GLI3: variants seen among roughly 807,000 people sequenced by gnomAD.
GLI3 encodes GLI family zinc finger 3.
A neutral mutation model predicts 100.8 loss-of-function variants in GLI3; 20 were observed. That is an observed-to-expected ratio of 0.20 (90% CI 0.14 to 0.29). GLI3 has a LOEUF of 0.29. Among genes scored for constraint, GLI3 ranks in the 10% least tolerant of loss-of-function variants. GLI3 has a pLI of 1.00. For synonymous variants in GLI3, 938 were observed against 860.5 expected (o/e 1.09, Z -1.58); for missense variants, 2,040 against 2,128.5 (o/e 0.96, Z 0.82).
chr7:42,088,765 C>T (rs846313), intron 3 of GLI3, among the ~76,000 whole-genome samples: 9,381 of 152,268 alleles, frequency 0.062, 608 homozygotes, highest in African/African-American at 0.16. Context: ...ACCTATTCAG[C>T]TGGGCTCTGA....
chr7:42,048,439 A>G, intron 5 of GLI3, 52 bp downstream of exon 5: 1 of 1,166,934 alleles, frequency 8.6e-7, no homozygotes, highest in Non-Finnish European at 1.3e-6. Context: ...CCGAGTGAGG[A>G]GCGGGGAGGA....
intron 10 of GLI3, among the ~76,000 whole-genome samples, chr7:41,990,122 T>TAC (rs3138802): frequency 0.052 from 7,780 of 148,876 alleles, 226 homozygotes; most frequent in African/African-American, 0.09. Flanking sequence ...AATGCTTGCT[T>TAC]ACACACACAC....
At chr7:42,148,820 A>G (rs1188529305) in intron 2 of GLI3, among the ~76,000 whole-genome samples, 1 of 152,086 alleles carries the variant, frequency 6.6e-6, no homozygotes, top group Non-Finnish European at 1.5e-5. Flanking sequence ...CCCACGTGGA[A>G]CTGAAACCTT....
At chr7:42,084,550 T>TA (rs1333298906) in intron 3 of GLI3, among the ~76,000 whole-genome samples, 1 of 152,222 alleles carries the variant, frequency 6.6e-6, no homozygotes, top group Non-Finnish European at 1.5e-5. Flanking sequence ...TGATTCCACA[T>TA]ATATGCATCC....
At chr7:42,038,842 T>C (rs1784072140) in intron 7 of GLI3, among the ~76,000 whole-genome samples, 1 of 152,252 alleles carries the variant, frequency 6.6e-6, no homozygotes, top group Non-Finnish European at 1.5e-5. Flanking sequence ...TGTGGGTATC[T>C]TGCTACTGCA....
At chr7:42,184,265 A>T (rs914592075) in intron 2 of GLI3, among the ~76,000 whole-genome samples, 2 of 152,166 alleles carry the variant, frequency 1.3e-5, no homozygotes, top group Non-Finnish European at 2.9e-5. Flanking sequence ...GTTGTGAAAC[A>T]CACCATGCCT....
chr7:42,223,044 CA>C, intron 2 of GLI3, 85 bp downstream of exon 2: 1 of 1,504,160 alleles, frequency 6.6e-7, no homozygotes, highest in Non-Finnish European at 9.2e-7. Context: ...AACACTGGTC[CA>C]GGTGCAAACG....
intron 3 of GLI3, among the ~76,000 whole-genome samples, chr7:42,147,177 G>A (rs892680407): frequency 3.9e-5 from 6 of 152,168 alleles, no homozygotes; most frequent in African/African-American, 1.4e-4. Context: ...TTGATCTGAG[G>A]AGTGAGCATT....
chr7:42,214,042 C>T (rs1433494958), intron 2 of GLI3, among the ~76,000 whole-genome samples: 4 of 152,334 alleles, frequency 2.6e-5, no homozygotes, highest in South Asian at 2.1e-4. Flanking sequence ...AAAAGAAGCC[C>T]GTCTCCACCC....
chr7:42,246,771 C>A (rs887954533), intron 1 of GLI3, among the ~76,000 whole-genome samples: 1 of 141,272 alleles, frequency 7.1e-6, no homozygotes, highest in South Asian at 2.3e-4. Flanking sequence ...AATGTTTAGT[C>A]CTTGGGAGTT....
Position 41,964,554 on chromosome 7 carries a change from C to G in GLI3, c.4519G>C (p.Asp1507His), listed in dbSNP as rs763951987. The change falls in exon 15 of 15, where the codon GAT (aspartate) becomes CAT (histidine). Residue 1507 changes from aspartate (D) to histidine (H), a missense_variant. By Grantham distance (81) the Asp-to-His change is moderately conservative (BLOSUM62 -1). Around this residue, in one of 5 missense-constraint regions of GLI3, gnomAD observed 1,041 missense variants for 924.0 expected, o/e 1.13. Transcript: ENST00000395925. ...HDLEGVQIDFDAIIDDGDHSS... is the reference protein window; with the variant it reads ...HDLEGVQIDFHAIIDDGDHSS... ...TGGTCCCCATCGTCTATGATGGCATCGAAGTCAATCTGTACCCCTTCCAGG... is the reference window on the plus strand; with the variant it reads ...TGGTCCCCATCGTCTATGATGGCATGGAAGTCAATCTGTACCCCTTCCAGG... The G allele has an allele frequency of 6.2e-7, 1 of 1,613,906 alleles. No individual in the cohort carries two copies. The highest frequency in any genetic ancestry group is 8.5e-7 in the Non-Finnish European group (1 of 1,179,772).
rs61524545 is a variant in GLI3, at chr7:42,194,759, C to CTTTTT, written c.124+28366_124+28370dup. ...AATGCATCAACTTCTCTCTCTGTCT[C>CTTTTT]TTTTTTTTTTTTTTTTTGGAGTCGG... On this transcript the variant is annotated intron_variant, in intron 2 of 14. Coordinates refer to ENST00000395925, the MANE Select transcript of GLI3 (RefSeq NM_000168.6). 1.1e-3 allele frequency among the ~76,000 whole-genome samples: 121 copies of CTTTTT among 108,944 alleles called. 6 individuals carry two copies. Among genetic ancestry groups the CTTTTT allele is most frequent in the African/African-American group, 4.6e-3 (113 of 24,716 alleles). 71.5% of individuals were successfully genotyped at this position (108,944 alleles called of 152,430 possible).
chr7:42,163,912 T>C (rs1787185450), intron 2 of GLI3, among the ~76,000 whole-genome samples: 1 of 152,242 alleles, frequency 6.6e-6, no homozygotes, highest in African/African-American at 2.4e-5. Context: ...GCTTCAGTCT[T>C]CCGGCCACTC....
chr7:42,053,747 CAACA>C (rs1718485886), intron 4 of GLI3, among the ~76,000 whole-genome samples: 1 of 152,180 alleles, frequency 6.6e-6, no homozygotes, highest in African/African-American at 2.4e-5. Context: ...GAGGAAAGAA[CAACA>C]AACAAACATT....
chr7:42,173,874 A>G (rs1190321110), intron 2 of GLI3, among the ~76,000 whole-genome samples: 1 of 152,184 alleles, frequency 6.6e-6, no homozygotes, highest in East Asian at 1.9e-4. Flanking sequence ...ACTTTTAGTC[A>G]TTTTATGCTG....
intron 13 of GLI3, among the ~76,000 whole-genome samples, chr7:41,970,221 T>A (rs1003245595): frequency 1.3e-5 from 2 of 152,152 alleles, no homozygotes; most frequent in Non-Finnish European, 2.9e-5. Context: ...AGAAGAGATG[T>A]TGCATTAATA....
At chr7:41,987,024 A>G (rs1681354813) in intron 10 of GLI3, among the ~76,000 whole-genome samples, 2 of 151,714 alleles carry the variant, frequency 1.3e-5, no homozygotes, top group South Asian at 4.2e-4. Flanking sequence ...GTAGGGCCCG[A>G]CAAGTGTTTT....
intron 1 of GLI3, among the ~76,000 whole-genome samples, chr7:42,253,527 C>T (rs1361379912): frequency 1.3e-5 from 2 of 152,230 alleles, no homozygotes; most frequent in Non-Finnish European, 2.9e-5. Context: ...GATGGCATAT[C>T]TGTGACTCAT....
chr7:42,236,942 C>T (rs2302023), intron 1 of GLI3, 29 bp downstream of exon 1: 37,780 of 151,908 alleles, frequency 0.25, 5,638 homozygotes, highest in Middle Eastern at 0.4. Flanking sequence ...GCGGGGTCCG[C>T]GAAACAAAGA....
Sources: allele counts gnomAD v4.1 joint callset (sites outside exome capture counted in the v4.1 genomes callset), GRCh38; gene constraint gnomAD v4.1.1; regional missense constraint gnomAD v4.1.1; transcripts MANE v1.5; gene names NCBI Gene and HGNC (gene_info 2026-07-23, HGNC 2026-07-21).